Variants in IL6ST observed in about 807,000 individuals in gnomAD.
IL6ST encodes the protein interleukin 6 cytokine family signal transducer, also known as interleukin-6 receptor subunit beta.
A neutral mutation model predicts 91.3 loss-of-function variants in IL6ST; 24 were observed. The observed-to-expected ratio is 0.26, with a 90% confidence interval of 0.19 to 0.37. IL6ST has a LOEUF of 0.37. Among genes scored for constraint, IL6ST ranks in the 10% least tolerant of loss-of-function variants. The pLI, the probability that IL6ST is intolerant of heterozygous loss-of-function variation, is 1.00. For synonymous variants in IL6ST, 351 were observed against 373.6 expected, an observed-to-expected ratio of 0.94 and a Z score of 0.70; for missense variants, 914 against 1,078.5, an observed-to-expected ratio of 0.85 and a Z score of 2.14.
At chr5:55,983,025 T>C (rs994086807) in intron 1 of IL6ST, among the ~76,000 whole-genome samples, 37 of 146,680 alleles carry the variant, frequency 2.5e-4, no homozygotes, top group Non-Finnish European at 4.5e-4. Context: ...TTTGAGACAA[T>C]GTCTCACTCC....
chr5:55,948,622 A>ATG (rs1041968400), intron 14 of IL6ST, among the ~76,000 whole-genome samples: 9 of 152,016 alleles, frequency 5.9e-5, no homozygotes, highest in African/African-American at 2.2e-4. Flanking sequence ...TGATATGGGT[A>ATG]TGTATGTGTG....
intron 4 of IL6ST, 33 bp from the exon 5 acceptor site, chr5:55,968,429 C>T (rs746599249): frequency 2.5e-6 from 4 of 1,595,930 alleles, no homozygotes; most frequent in Non-Finnish European, 3.4e-6. Context: ...TTTCAGAAAG[C>T]TTTATATCCA....
chr5:55,984,732 G>C (rs1753858576), intron 1 of IL6ST, among the ~76,000 whole-genome samples: 1 of 151,862 alleles, frequency 6.6e-6, no homozygotes, highest in African/African-American at 2.4e-5. Context: ...TTGGATTTCA[G>C]ATTTTAGGAT....
intron 1 of IL6ST, among the ~76,000 whole-genome samples, chr5:55,983,971 C>A (rs1428520625): frequency 2.0e-5 from 3 of 151,998 alleles, no homozygotes; most frequent in African/African-American, 7.2e-5. Flanking sequence ...TAGAGATCTT[C>A]CCTAACCACC....
At chr5:55,944,649 C>T (rs368447098) in intron 15 of IL6ST, 53 of 993,528 alleles carry the variant, frequency 5.3e-5, no homozygotes, top group South Asian at 3.4e-4. Context: ...TTGGAAACCT[C>T]GGCGCCATGA....
At chr5:55,956,473 T>C (rs886145420) in intron 9 of IL6ST, among the ~76,000 whole-genome samples, 7 of 152,212 alleles carry the variant, frequency 4.6e-5, no homozygotes, top group Non-Finnish European at 1.0e-4. Flanking sequence ...TAGCTTTTGG[T>C]TCTGTATCAA....
intron 11 of IL6ST, among the ~76,000 whole-genome samples, chr5:55,952,897 C>T (rs181229827): frequency 2.4e-4 from 36 of 152,102 alleles, no homozygotes; most frequent in African/African-American, 7.9e-4. Context: ...CCCCCCTTTA[C>T]TGAAAATACA....
chr5:55,992,447 G>C (rs1455937305), intron 1 of IL6ST, among the ~76,000 whole-genome samples: 1 of 152,064 alleles, frequency 6.6e-6, no homozygotes, highest in Non-Finnish European at 1.5e-5. Context: ...TCTTGTGCCT[G>C]GGTTTCCCTA....
At position 55,963,396 on chromosome 5, in the gene IL6ST, A is replaced by G. The variant is rs763532110; in HGVS notation, c.769T>C (p.Tyr257His). Residue 257 changes from tyrosine to histidine, a missense_variant, in exon 7 of 17, where the codon TAT (tyrosine) becomes CAT (histidine). Coordinates refer to ENST00000381298, the MANE Select transcript of IL6ST (RefSeq NM_002184.4). ...PSIKSVIILK[Y>H]NIQYRTKDAS... ...TCTTTGGTCCTATATTGAATGTTATATTTTAGTATTATAACACTCTTAATA... is the reference window on the plus strand; with the variant it reads ...TCTTTGGTCCTATATTGAATGTTATGTTTTAGTATTATAACACTCTTAATA... 5 of 1,604,560 alleles carry G rather than the reference A, an allele frequency of 3.1e-6. 1 individual carries two copies. The South Asian group carries it at 5.5e-5, about 18-fold the overall frequency.
At chr5:55,950,955 A>AG (rs1199142553) in intron 14 of IL6ST, among the ~76,000 whole-genome samples, 1 of 38,494 alleles carries the variant, frequency 2.6e-5, no homozygotes, top group African/African-American at 5.9e-5. Flanking sequence ...CCCTGCCTCC[A>AG]AAAAAAAAAA....
rs969402919 is a variant in IL6ST at position 55,936,626 on chromosome 5, T to C, written c.*4456A>G. On this transcript the variant is annotated 3_prime_UTR_variant, in exon 17 of 17. Transcript: ENST00000381298. ...GTTACAAATATGCATAGTCAGATGA[T>C]AGTAACCACATACAGAAAAAAAATT... 3 of 196,686 alleles carry C rather than the reference T, an allele frequency of 1.5e-5. No homozygotes were observed. The highest frequency in any genetic ancestry group is 3.2e-5 in the Non-Finnish European group (3 of 94,848). The allele number at this position is 196,686 out of a possible 1,614,324, so 12.2% of individuals were successfully genotyped here.
intron 14 of IL6ST, 122 bp from the exon 15 acceptor site, chr5:55,947,711 C>A: frequency 1.6e-6 from 1 of 608,344 alleles, no homozygotes; most frequent in South Asian, 2.4e-5. Flanking sequence ...AAATACAATC[C>A]TAATTATTTT....
At chr5:55,964,410 G>C (rs1752519931) in intron 5 of IL6ST, 98 bp from the exon 6 acceptor site, 1 of 732,348 alleles carries the variant, frequency 1.4e-6, no homozygotes, top group Admixed American at 3.2e-5. Flanking sequence ...GACCTAGATT[G>C]TTGTAGCAAA....
Position 55,957,301 on chromosome 5 carries a change from A to G in IL6ST, c.974-10T>C, listed in dbSNP as rs755891451. On this transcript the variant is annotated splice_polypyrimidine_tract_variant and intron_variant, in intron 8 of 16. Coordinates refer to ENST00000381298, the MANE Select transcript of IL6ST (RefSeq NM_002184.4). The stretch of plus-strand genomic sequence containing the variant: ...GGTGCTTTAGATGGTCCTAAAGAAA[A>G]GACATAAACTCCTTAAAATAAAAAG... The G allele has an allele frequency of 7.6e-7, 1 of 1,323,388 alleles. No individual in the cohort carries two copies. The highest frequency in any genetic ancestry group is 1.1e-6 in the Non-Finnish European group (1 of 949,330). 82.0% of individuals were successfully genotyped at this position (1,323,388 alleles called of 1,614,324 possible). A position where few individuals can be genotyped will look rare whatever the true frequency, so the allele number is the denominator to read the frequency against.
intron 12 of IL6ST, 63 bp from the exon 13 acceptor site, chr5:55,952,138 T>C: frequency 6.5e-7 from 1 of 1,538,706 alleles, no homozygotes; most frequent in Non-Finnish European, 8.9e-7. Context: ...AATTTCCTTG[T>C]CATAAAATCA....
Position 55,974,402 on chromosome 5 carries a change from C to T in IL6ST, c.64+1813G>A, listed in dbSNP as rs10036745. Among the ~76,000 whole-genome samples the T allele has an allele frequency of 3.1e-3, 476 of 152,024 alleles. 6 individuals carry two copies. Among genetic ancestry groups the T allele is most frequent in the African/African-American group, 0.011 (458 of 41,476 alleles). ...GTGCAGTGGCACAATCTCCACACAC[C>T]GCAACCTTTGCCTCCCGGGTTCAAG... is the stretch of plus-strand genomic sequence containing the variant. On this transcript the variant is annotated intron_variant, in intron 3 of 16. Transcript: ENST00000381298.
At chr5:55,985,528 A>T (rs1753915624) in intron 1 of IL6ST, among the ~76,000 whole-genome samples, 1 of 150,982 alleles carries the variant, frequency 6.6e-6, no homozygotes, top group African/African-American at 2.5e-5. Flanking sequence ...CTCAAAAAAA[A>T]AAAAATATAA....
rs1221392474 is a variant in IL6ST at position 55,935,607 on chromosome 5, T to C, written c.*5475A>G. 4.6e-6 allele frequency: 1 copy of C among 218,964 alleles called. No individual in the cohort carries two copies. The highest frequency in any genetic ancestry group is 2.2e-5 in the African/African-American group (1 of 44,536). 13.6% of individuals were successfully genotyped at this position (218,964 alleles called of 1,614,324 possible). On this transcript the variant is annotated 3_prime_UTR_variant, in exon 17 of 17. Coordinates refer to ENST00000381298, the MANE Select transcript of IL6ST (RefSeq NM_002184.4). The stretch of plus-strand genomic sequence containing the variant: ...CGAGTTGGCTGAGCTTCCTGCTGCT[T>C]TCACACATTCTTCTTTTTCTACCTC...
chr5:55,984,929 A>C (rs1427891515), intron 1 of IL6ST, among the ~76,000 whole-genome samples: 2 of 152,208 alleles, frequency 1.3e-5, no homozygotes, highest in Admixed American at 1.3e-4. Context: ...AAGGTAAGTG[A>C]AGAGTGGAAT....
Sources: gnomAD v4.1 joint callset for allele counts (sites outside exome capture counted in the v4.1 genomes callset) on GRCh38, gnomAD v4.1.1 for gene constraint, MANE v1.5 for transcripts, NCBI Gene and HGNC (gene_info 2026-07-23, HGNC 2026-07-21) for gene names.